MINDY4: variants seen among roughly 807,000 people sequenced by gnomAD.
MINDY4 encodes MINDY lysine 48 deubiquitinase 4, also known as probable ubiquitin carboxyl-terminal hydrolase MINDY-4.
MINDY4 carries 68 observed loss-of-function variants against 87.0 expected under a neutral mutation model. That is an observed-to-expected ratio of 0.78 (90% CI 0.64 to 0.96). The LOEUF (loss-of-function observed/expected upper bound fraction) is 0.96, where lower values mean the gene tolerates loss of function less well. MINDY4 is among the 40% of genes least tolerant of loss of function. MINDY4 has a pLI of 0.00. For synonymous variants in MINDY4, 379 were observed against 363.2 expected (o/e 1.04, Z -0.50); for missense variants, 919 against 928.2 (o/e 0.99, Z 0.13).
chr7:30,775,507 C>A (rs1248511917), intron 1 of MINDY4, among the ~76,000 whole-genome samples: 1 of 152,176 alleles, frequency 6.6e-6, no homozygotes, highest in East Asian at 1.9e-4. Flanking sequence ...GCCTGAACCC[C>A]ATCATTCAGG....
intron 15 of MINDY4, among the ~76,000 whole-genome samples, chr7:30,880,129 C>A (rs905133730): frequency 3.9e-5 from 6 of 152,324 alleles, no homozygotes; most frequent in African/African-American, 1.4e-4. Flanking sequence ...TAACTCTACG[C>A]AAGTAAATGC....
chr7:30,820,710 G>A (rs914523862), intron 5 of MINDY4, among the ~76,000 whole-genome samples: 14 of 152,140 alleles, frequency 9.2e-5, no homozygotes, highest in South Asian at 8.3e-4. Flanking sequence ...TCCGTTGTAT[G>A]GATATATAAC....
At chr7:30,843,096 C>T (rs1381725888) in intron 9 of MINDY4, among the ~76,000 whole-genome samples, 2 of 152,276 alleles carry the variant, frequency 1.3e-5, no homozygotes, top group Non-Finnish European at 2.9e-5. Context: ...AGGGACCTTC[C>T]TGAGCTGGTT....
chr7:30,849,663 G>T (rs1272833472), intron 9 of MINDY4, among the ~76,000 whole-genome samples: 1 of 152,090 alleles, frequency 6.6e-6, no homozygotes, highest in Admixed American at 6.5e-5. Flanking sequence ...AGTTCCACAG[G>T]GTTCCACCCT....
Position 30,892,047 on chromosome 7 carries a change from C to T in MINDY4, c.*42C>T. ...AACCCTGTGGTCCACCACTCATCAC[C>T]TCATCACCGAGGATGACAGCTGAAC... On this transcript the variant is annotated 3_prime_UTR_variant, in exon 18 of 18. Coordinates refer to ENST00000265299, the MANE Select transcript of MINDY4 (RefSeq NM_032222.3). The T allele has an allele frequency of 6.2e-7, 1 of 1,607,682 alleles. No homozygotes were observed. Among genetic ancestry groups the T allele is most frequent in the Non-Finnish European group, 8.5e-7 (1 of 1,174,156 alleles).
At chr7:30,884,381 C>T (rs544393719) in intron 17 of MINDY4, among the ~76,000 whole-genome samples, 14 of 152,304 alleles carry the variant, frequency 9.2e-5, no homozygotes, top group African/African-American at 3.1e-4. Context: ...GTGCTTCTTT[C>T]GTCGGGAGGA....
intron 14 of MINDY4, among the ~76,000 whole-genome samples, chr7:30,875,244 A>G (rs1790224110): frequency 6.6e-6 from 1 of 152,206 alleles, no homozygotes; most frequent in African/African-American, 2.4e-5. Context: ...GGTCCTGTGA[A>G]TGGTTGGTAC....
At position 30,869,247 on chromosome 7, in the gene MINDY4, A is replaced by G. The variant is rs1790029321; in HGVS notation, c.1746-2996A>G. Among the ~76,000 whole-genome samples the G allele has an allele frequency of 2.0e-5, 3 of 152,200 alleles. No homozygotes were observed. In the South Asian group the frequency reaches 6.2e-4, roughly 31 times the overall value. Reference sequence around the variant, plus strand: ...TAAGGGACAGTCACAGCTGTGGCTCAGGTGGCCCCTGCTCCTAGGATGCTG... The same window carrying G: ...TAAGGGACAGTCACAGCTGTGGCTCGGGTGGCCCCTGCTCCTAGGATGCTG... On this transcript the variant is annotated intron_variant, in intron 13 of 17. Transcript: ENST00000265299.
At chr7:30,877,654 C>CTTTGT (rs1790302283) in intron 15 of MINDY4, among the ~76,000 whole-genome samples, 1 of 149,750 alleles carries the variant, frequency 6.7e-6, no homozygotes, top group Non-Finnish European at 1.5e-5. Context: ...CAGACAAAGC[C>CTTTGT]CTTCCCTCTT....
At chr7:30,888,155 G>A (rs1790690183) in intron 17 of MINDY4, among the ~76,000 whole-genome samples, 1 of 152,174 alleles carries the variant, frequency 6.6e-6, no homozygotes, top group African/African-American at 2.4e-5. Flanking sequence ...CCACCCCTCT[G>A]TTGCAGTGAT....
chr7:30,864,115 A>G (rs1208448317), intron 13 of MINDY4, among the ~76,000 whole-genome samples: 1 of 152,238 alleles, frequency 6.6e-6, no homozygotes, highest in Non-Finnish European at 1.5e-5. Context: ...TCATTACAGC[A>G]GCAAGTTCAG....
intron 17 of MINDY4, among the ~76,000 whole-genome samples, chr7:30,888,559 G>A (rs1196533451): frequency 6.6e-6 from 1 of 152,106 alleles, no homozygotes; most frequent in Non-Finnish European, 1.5e-5. Flanking sequence ...TCCCCTTTCT[G>A]TGCCTGTCCG....
Position 30,826,501 on chromosome 7 carries a change from T to C in MINDY4, c.1074-2178T>C, listed in dbSNP as rs150000702. On this transcript the variant is annotated intron_variant, in intron 5 of 17. Transcript: ENST00000265299. The stretch of plus-strand genomic sequence containing the variant: ...GGAATGAGCAGCTTATGAAAAGATA[T>C]AGAGACATGAGCTGAGACGTTCAGC... Among the ~76,000 whole-genome samples the C allele has an allele frequency of 5.4e-3, 816 of 152,310 alleles. 8 individuals are homozygous for C. The highest frequency in any genetic ancestry group is 0.018 in the African/African-American group (754 of 41,568).
intron 5 of MINDY4, among the ~76,000 whole-genome samples, chr7:30,808,121 C>G (rs1310826715): frequency 6.6e-6 from 1 of 152,158 alleles, no homozygotes; most frequent in Non-Finnish European, 1.5e-5. Flanking sequence ...AGAGCGCTCC[C>G]GGGTAGGCAA....
At chr7:30,837,817 G>C (rs574596339) in intron 7 of MINDY4, among the ~76,000 whole-genome samples, 7 of 152,364 alleles carry the variant, frequency 4.6e-5, no homozygotes, top group African/African-American at 1.4e-4. Flanking sequence ...CAGGTTCCCA[G>C]GCTCTGTTGA....
intron 3 of MINDY4, among the ~76,000 whole-genome samples, chr7:30,784,405 A>G (rs1787094144): frequency 6.6e-6 from 1 of 152,126 alleles, no homozygotes; most frequent in African/African-American, 2.4e-5. Context: ...CGAGGGCCTC[A>G]GTTCACACTC....
chr7:30,842,377 C>T (rs1172788016), intron 9 of MINDY4, among the ~76,000 whole-genome samples: 1 of 152,210 alleles, frequency 6.6e-6, no homozygotes, highest in Non-Finnish European at 1.5e-5. Flanking sequence ...GCCATCAGCT[C>T]TCCCTGGTGG....
chr7:30,791,398 C>A lies in MINDY4; in HGVS notation c.897C>A (p.Pro299=). 1 of 1,614,132 alleles carries A rather than the reference C, an allele frequency of 6.2e-7. No homozygotes were observed. Residue 299 remains proline (P), a synonymous_variant, in exon 5 of 18, where the codon CCC becomes CCA. Transcript: ENST00000265299. ...CCCATCTGCCCAGCAAACGGCTGCC[C>A]CCATGGGACAGGGCCAGGCCGAGGG... ...SPPHLPSKRL[P]PWDRARPRDP...
chr7:30,885,763 C>G (rs1277877639), intron 17 of MINDY4, among the ~76,000 whole-genome samples: 2 of 141,018 alleles, frequency 1.4e-5, no homozygotes, highest in Non-Finnish European at 3.0e-5. Context: ...GGCATTGATT[C>G]TCTGGCCCGC....
Sources: allele counts gnomAD v4.1 joint callset (sites outside exome capture counted in the v4.1 genomes callset), GRCh38; gene constraint gnomAD v4.1.1; transcripts MANE v1.5; gene names NCBI Gene and HGNC (gene_info 2026-07-23, HGNC 2026-07-21).